ZNF385D: variants seen among roughly 807,000 people sequenced by gnomAD.
The protein encoded by ZNF385D is zinc finger protein 385D.
In ZNF385D, 15 loss-of-function variants were observed where a neutral mutation model predicts 35.8. The observed-to-expected ratio is 0.42, with a 90% CI of 0.28 to 0.64. ZNF385D has a LOEUF of 0.64. ZNF385D is among the 30% of genes least tolerant of loss of function. The probability of loss-of-function intolerance (pLI) is 0.23; values close to 1 mark genes in which losing one functional copy is unlikely to be tolerated. For missense variants in ZNF385D, 474 were observed against 494.6 expected (o/e 0.96, Z 0.39); for synonymous variants, 212 against 186.8 (o/e 1.13, Z -1.10).
At chr3:22,057,355 T>A (rs1223332440) in intron 3 of ZNF385D, among the ~76,000 whole-genome samples, 1 of 152,188 alleles carries the variant, frequency 6.6e-6, no homozygotes, top group Non-Finnish European at 1.5e-5. Flanking sequence ...CAGTTAACAT[T>A]AAAAATTAAC....
At chr3:21,951,016 C>T (rs1702039817) in intron 3 of ZNF385D, among the ~76,000 whole-genome samples, 1 of 151,658 alleles carries the variant, frequency 6.6e-6, no homozygotes. Flanking sequence ...TTAGGATTGT[C>T]TTGCCTATAT....
chr3:21,494,674 A>G (rs1705691156), intron 4 of ZNF385D, among the ~76,000 whole-genome samples: 1 of 152,164 alleles, frequency 6.6e-6, no homozygotes, highest in South Asian at 2.1e-4. Flanking sequence ...TCCAAGAGTT[A>G]GGTATTCCCA....
rs1237366735 is a variant in ZNF385D at position 22,240,084 on chromosome 3, G to A, written c.107-71049C>T. 2.7e-5 allele frequency among the ~76,000 whole-genome samples: 4 copies of A among 149,290 alleles called. 1 individual carries two copies. Among genetic ancestry groups the A allele is most frequent in the Non-Finnish European group, 5.9e-5 (4 of 67,680 alleles). On this transcript the variant is annotated intron_variant, in intron 2 of 5. Transcript: ENST00000494108. ...TGTAGTCTCAGCTACTCAGGAGGCT[G>A]ACGTGGGAGGATCACCTGAGCCCAG...
chr3:21,772,763 C>T (rs1461906134), intron 3 of ZNF385D, among the ~76,000 whole-genome samples: 1 of 151,888 alleles, frequency 6.6e-6, no homozygotes, highest in Non-Finnish European at 1.5e-5. Context: ...CACCTACGTT[C>T]ATAACAGTGT....
At chr3:22,114,931 C>A (rs1702732125) in intron 3 of ZNF385D, among the ~76,000 whole-genome samples, 1 of 152,044 alleles carries the variant, frequency 6.6e-6, no homozygotes, top group Non-Finnish European at 1.5e-5. Flanking sequence ...GAAAGCACAG[C>A]AAGAAGGGCC....
intron 2 of ZNF385D, among the ~76,000 whole-genome samples, chr3:22,339,966 T>C (rs950721174): frequency 6.6e-6 from 1 of 152,214 alleles, no homozygotes; most frequent in Non-Finnish European, 1.5e-5. Flanking sequence ...TTTCCCACTT[T>C]CTGTGACCAT....
At chr3:21,492,984 T>C (rs1302408489) in intron 4 of ZNF385D, among the ~76,000 whole-genome samples, 1 of 152,030 alleles carries the variant, frequency 6.6e-6, no homozygotes, top group African/African-American at 2.4e-5. Context: ...ATTCCAGTTA[T>C]AGTTATTAGG....
chr3:21,785,014 T>A (rs75958197), intron 3 of ZNF385D, among the ~76,000 whole-genome samples: 16,135 of 152,192 alleles, frequency 0.11, 943 homozygotes, highest in South Asian at 0.17. Context: ...CACTCACCTC[T>A]TCCTAGTTTA....
intron 2 of ZNF385D, among the ~76,000 whole-genome samples, chr3:21,620,833 C>T (rs1395811954): frequency 6.6e-6 from 1 of 152,096 alleles, no homozygotes; most frequent in Admixed American, 6.6e-5. Context: ...ACAAGGCGCA[C>T]GGAGCCCCCA....
chr3:21,921,872 G>C (rs1397500367), intron 3 of ZNF385D, among the ~76,000 whole-genome samples: 1 of 145,276 alleles, frequency 6.9e-6, no homozygotes, highest in African/African-American at 2.5e-5. Context: ...CCAACCAAAA[G>C]ATGCCCTAGA....
At chr3:21,852,679 A>G (rs1457808929) in intron 3 of ZNF385D, among the ~76,000 whole-genome samples, 1 of 151,950 alleles carries the variant, frequency 6.6e-6, no homozygotes, top group Admixed American at 6.6e-5. Context: ...TGATTATGTC[A>G]TTACTAAAAA....
At chr3:22,039,316 T>C (rs1354896765) in intron 3 of ZNF385D, among the ~76,000 whole-genome samples, 2 of 150,280 alleles carry the variant, frequency 1.3e-5, no homozygotes, top group South Asian at 2.1e-4. Context: ...GCAGATGGCA[T>C]GCTATTCCCA....
intron 2 of ZNF385D, among the ~76,000 whole-genome samples, chr3:22,190,790 T>C (rs1350945386): frequency 6.6e-6 from 1 of 152,182 alleles, no homozygotes; most frequent in Admixed American, 6.6e-5. Flanking sequence ...CTATTTTTTT[T>C]TCCTCTTTAC....
At chr3:21,565,795 A>T (rs2063122826) in intron 2 of ZNF385D, among the ~76,000 whole-genome samples, 1 of 152,202 alleles carries the variant, frequency 6.6e-6, no homozygotes, top group Non-Finnish European at 1.5e-5. Flanking sequence ...AAAAGGACTT[A>T]TAAGTAAGTC....
intron 3 of ZNF385D, among the ~76,000 whole-genome samples, chr3:21,822,543 T>C (rs140883843): frequency 3.3e-5 from 5 of 152,136 alleles, no homozygotes; most frequent in Admixed American, 2.0e-4. Flanking sequence ...AATTTAGACA[T>C]ATGTATCCTA....
At chr3:22,229,122 C>A (rs1301905990) in intron 2 of ZNF385D, among the ~76,000 whole-genome samples, 2 of 152,138 alleles carry the variant, frequency 1.3e-5, no homozygotes, top group African/African-American at 2.4e-5. Flanking sequence ...TAGTCCTGTC[C>A]CTCTAAAGAA....
intron 3 of ZNF385D, among the ~76,000 whole-genome samples, chr3:21,922,390 A>G (rs1200110503): frequency 6.6e-6 from 1 of 152,238 alleles, no homozygotes; most frequent in African/African-American, 2.4e-5. Context: ...TTCAAACTAT[A>G]CTATAAAGCT....
chr3:21,800,208 T>C (rs993166698), intron 3 of ZNF385D, among the ~76,000 whole-genome samples: 2 of 152,180 alleles, frequency 1.3e-5, no homozygotes, highest in South Asian at 2.1e-4. Context: ...CTTTTCAAGA[T>C]TGTTTTGACT....
At chr3:21,438,390 G>A (rs557577206) in intron 4 of ZNF385D, among the ~76,000 whole-genome samples, 14 of 152,128 alleles carry the variant, frequency 9.2e-5, no homozygotes, top group Non-Finnish European at 2.1e-4. Context: ...TGGCCAGGAT[G>A]TAAGGACAAG....
Sources: allele counts gnomAD v4.1 joint callset (sites outside exome capture counted in the v4.1 genomes callset), GRCh38; gene constraint gnomAD v4.1.1; transcripts MANE v1.5; gene names NCBI Gene and HGNC (gene_info 2026-07-23, HGNC 2026-07-21).